CFAP74: variants seen among roughly 807,000 people sequenced by gnomAD.
CFAP74 encodes the protein cilia- and flagella-associated protein 74.
In CFAP74, 124 loss-of-function variants were observed where a neutral mutation model predicts 188.9. The observed-to-expected ratio is 0.66, with a 90% CI of 0.57 to 0.76. The LOEUF (loss-of-function observed/expected upper bound fraction) is 0.76. Ranked by LOEUF, CFAP74 falls within the 30% of genes least tolerant of loss-of-function variation. The pLI, the probability that CFAP74 is intolerant of heterozygous loss-of-function variation, is 0.00. For missense variants in CFAP74, 2,198 were observed against 2,165.2 expected, an observed-to-expected ratio of 1.02 and a Z score of -0.30; for synonymous variants, 956 against 916.7, an observed-to-expected ratio of 1.04 and a Z score of -0.77.
chr1:1,972,139 G>GA, intron 8 of CFAP74, 57 bp from the exon 9 acceptor site: 1 of 1,344,074 alleles, frequency 7.4e-7, no homozygotes, highest in Non-Finnish European at 1.1e-6. Flanking sequence ...GGTGTGCAGT[G>GA]GTGCGATCAC....
Position 1,988,899 on chromosome 1 carries a change from C to G in CFAP74, c.142G>C (p.Gly48Arg). The part of the protein sequence containing the change: ...LQEAEDDVDP[G>R]HSSSVKELDT... ...GATCCTCCGAGTTACCTGCTGTGTC[C>G]CGGGTCCACGTCATCCTCAGCTTCC... Residue 48 changes from glycine to arginine, a missense_variant, in exon 3 of 39, where the codon GGA becomes CGA. Transcript: ENST00000682832. 1 of 1,490,548 alleles carries G rather than the reference C, an allele frequency of 6.7e-7. No individual in the cohort carries two copies. The allele number at this position is 1,490,548 out of a possible 1,614,324, so 92.3% of individuals were successfully genotyped here.
At chr1:1,976,152 A>G (rs985436572) in intron 6 of CFAP74, among the ~76,000 whole-genome samples, 22 of 152,130 alleles carry the variant, frequency 1.4e-4, no homozygotes, top group Non-Finnish European at 5.9e-5. Flanking sequence ...CAGGGCCCCC[A>G]TGGCCGAATC....
At chr1:2,001,382 T>G (rs1235264685) in intron 1 of CFAP74, among the ~76,000 whole-genome samples, 1 of 151,016 alleles carries the variant, frequency 6.6e-6, no homozygotes, top group Non-Finnish European at 1.5e-5. Flanking sequence ...CAGGCTGGAG[T>G]GCAGTGGCGC....
chr1:1,958,867 C>T (rs1181223362), intron 16 of CFAP74, among the ~76,000 whole-genome samples: 1 of 152,122 alleles, frequency 6.6e-6, no homozygotes, highest in Non-Finnish European at 1.5e-5. Context: ...GCAGTCTGGG[C>T]TCCACACAGA....
At chr1:1,989,926 T>C (rs919526988) in intron 2 of CFAP74, among the ~76,000 whole-genome samples, 1 of 152,206 alleles carries the variant, frequency 6.6e-6, no homozygotes, top group Admixed American at 6.5e-5. Context: ...ACTGTCTTCA[T>C]GATCACACTC....
chr1:1,998,575 A>G lies in CFAP74; in HGVS notation c.-20+5126T>C, dbSNP rs555652069. 2.0e-5 allele frequency among the ~76,000 whole-genome samples: 3 copies of G among 152,290 alleles called. No homozygotes were observed. In the East Asian group the frequency reaches 5.8e-4, roughly 29 times the overall value. On this transcript the variant is annotated intron_variant, in intron 1 of 38. Coordinates refer to ENST00000682832, the MANE Select transcript of CFAP74 (RefSeq NM_001304360.2). ...TTCCATAATAAAAGTTTTTTCTAAAAGAAAGTCTAAATAAATAGCCTGGGC... is the reference window on the plus strand; with the variant it reads ...TTCCATAATAAAAGTTTTTTCTAAAGGAAAGTCTAAATAAATAGCCTGGGC...
intron 16 of CFAP74, 84 bp from the exon 17 acceptor site, chr1:1,956,868 C>G: frequency 7.0e-7 from 1 of 1,427,300 alleles, no homozygotes; most frequent in Middle Eastern, 1.8e-4. Flanking sequence ...TGGCTCCAGG[C>G]AGGGCTGCCC....
intron 22 of CFAP74, among the ~76,000 whole-genome samples, chr1:1,941,439 C>T (rs1653368316): frequency 6.6e-6 from 1 of 152,216 alleles, no homozygotes; most frequent in Admixed American, 6.5e-5. Context: ...GTTCACCTGG[C>T]AAAAGCAGAG....
chr1:1,963,661 C>G, intron 14 of CFAP74, 88 bp downstream of exon 14: 1 of 804,302 alleles, frequency 1.2e-6, no homozygotes, highest in Non-Finnish European at 2.1e-6. Context: ...CATATAGAGC[C>G]TGTTCCAGCC....
chr1:1,947,119 C>T, intron 18 of CFAP74, 65 bp from the exon 19 acceptor site: 1 of 1,231,098 alleles, frequency 8.1e-7, no homozygotes. Context: ...CCCAGGCCCC[C>T]TTGGGACGTG....
intron 6 of CFAP74, among the ~76,000 whole-genome samples, chr1:1,978,705 G>T (rs541620940): frequency 6.6e-6 from 1 of 152,316 alleles, no homozygotes; most frequent in South Asian, 2.1e-4. Context: ...AGTGGGACCC[G>T]TGTTGGGCCA....
chr1:1,988,842 A>AC, intron 3 of CFAP74, 47 bp downstream of exon 3: 10 of 98,146 alleles, frequency 1.0e-4, no homozygotes, highest in Admixed American at 2.2e-4. Flanking sequence ...CCCCACCCCC[A>AC]CCCCCACCCC....
chr1:2,001,615 T>C (rs950370159), intron 1 of CFAP74, among the ~76,000 whole-genome samples: 35 of 152,190 alleles, frequency 2.3e-4, no homozygotes, highest in African/African-American at 7.0e-4. Context: ...CGTGAGCCAC[T>C]GCACCCGGCC....
rs1208970400 is a variant in CFAP74, at chr1:1,928,874, C to G, written c.3297G>C (p.Leu1099=). 1.3e-6 allele frequency: 2 copies of G among 1,535,480 alleles called. No individual in the cohort carries two copies. Among genetic ancestry groups the G allele is most frequent in the Non-Finnish European group, 1.7e-6 (2 of 1,146,546 alleles). ...VGTVWPGKRC[L]VQVAFRPVLP... is the part of the protein sequence containing the mutation. ...GCACTGGCCGGAAGGCCACCTGGAC[C>G]AGGCACCTCTGAGGAGAGACCAGCG... The change falls in exon 27 of 39, where the codon CTG becomes CTC. Residue 1099 remains leucine, a synonymous_variant. Transcript: ENST00000682832.
chr1:1,966,319 G>A lies in CFAP74; in HGVS notation c.1401+52C>T, dbSNP rs371556212. The A allele has an allele frequency of 1.3e-5, 19 of 1,421,394 alleles. No homozygotes were observed. The East Asian group carries it at 1.9e-4, about 14-fold the overall frequency. The allele number at this position is 1,421,394 out of a possible 1,614,324, so 88.0% of individuals were successfully genotyped here. On this transcript the variant is annotated intron_variant, in intron 12 of 38. Coordinates refer to ENST00000682832, the MANE Select transcript of CFAP74 (RefSeq NM_001304360.2). Reference sequence around the variant, plus strand: ...CAGGCGTGGGAGGTGGCGAGCCGGCGACAGAGGGCCGGGGTCCGTCTGCAA... The same window carrying A: ...CAGGCGTGGGAGGTGGCGAGCCGGCAACAGAGGGCCGGGGTCCGTCTGCAA...
rs1315584392 is a variant in CFAP74 at position 1,942,783 on chromosome 1, C to T, written c.2487-627G>A. Reference sequence around the variant, plus strand: ...GTGAAGCCTCCCTCCCCTCCCCCGTCTTGGAGCCTCTGCTAAACAGTGTTG... The same window carrying T: ...GTGAAGCCTCCCTCCCCTCCCCCGTTTTGGAGCCTCTGCTAAACAGTGTTG... On this transcript the variant is annotated intron_variant, in intron 21 of 38. Transcript: ENST00000682832. The surrounding 1 kb of genome is among the most constrained non-coding windows in gnomAD (Gnocchi z 4.3). 6.6e-6 allele frequency among the ~76,000 whole-genome samples: 1 copy of T among 152,206 alleles called. No individual in the cohort carries two copies. The highest frequency in any genetic ancestry group is 1.5e-5 in the Non-Finnish European group (1 of 68,026).
intron 33 of CFAP74, 56 bp downstream of exon 33, chr1:1,925,727 G>A: frequency 1.9e-6 from 3 of 1,568,302 alleles, no homozygotes; most frequent in East Asian, 4.5e-5. Flanking sequence ...AGTCCTGCCT[G>A]GTGGAAACCC....
chr1:1,948,849 G>A (rs1307903835), intron 18 of CFAP74, among the ~76,000 whole-genome samples: 3 of 140,476 alleles, frequency 2.1e-5, no homozygotes, highest in Non-Finnish European at 4.6e-5. Flanking sequence ...TAATACCCAT[G>A]TCTGAACCAT....
chr1:1,924,503 C>G lies in CFAP74; in HGVS notation c.4122G>C (p.Leu1374=). Residue 1374 remains leucine, a synonymous_variant, in exon 34 of 39, where the codon CTG becomes CTC. Transcript: ENST00000682832. ...SSGFKLQNNS[L]LPIKFSMHLD... ...GGTGCATGGAGAACTTGATGGGGAG[C>G]AGAGAGTTGTTCTGCAGCTGCAGAG... 6.2e-7 allele frequency: 1 copy of G among 1,605,110 alleles called. No homozygotes were observed.
Sources: gnomAD v4.1 joint callset for allele counts (sites outside exome capture counted in the v4.1 genomes callset) on GRCh38, gnomAD v4.1.1 for gene constraint, Gnocchi (gnomAD v3.1) non-coding constraint, MANE v1.5 for transcripts, NCBI Gene and HGNC (gene_info 2026-07-23, HGNC 2026-07-21) for gene names.